Variants in EARS2 observed in about 807,000 individuals in gnomAD.
EARS2 encodes nondiscriminating glutamyl-tRNA synthetase EARS2, mitochondrial.
A neutral mutation model predicts 54.1 loss-of-function variants in EARS2; 50 were observed. The observed-to-expected ratio is 0.92, with a 90% CI of 0.74 to 1.17. The LOEUF is 1.17. EARS2 is among the 50% of genes most tolerant of loss of function. The pLI is 0.00. For synonymous variants in EARS2, 298 were observed against 281.0 expected (o/e 1.06, Z -0.61); for missense variants, 673 against 675.0 (o/e 1.00, Z 0.03).
chr16:23,550,435 CTTT>C (rs34422725), intron 2 of EARS2, among the ~76,000 whole-genome samples: 1 of 100,612 alleles, frequency 9.9e-6, no homozygotes, highest in Non-Finnish European at 1.8e-5. Context: ...AGCACATGGT[CTTT>C]TTTTTTTTTT....
chr16:23,525,406 G>C (rs746075843), intron 7 of EARS2, 27 bp from the exon 8 acceptor site: 10 of 1,597,970 alleles, frequency 6.3e-6, no homozygotes, highest in African/African-American at 1.3e-5. Flanking sequence ...AGTTTACAGG[G>C]CCTGCATGGG....
At chr16:23,533,166 C>T (rs1266078516) in intron 4 of EARS2, among the ~76,000 whole-genome samples, 3 of 152,134 alleles carry the variant, frequency 2.0e-5, no homozygotes, top group African/African-American at 7.2e-5. Flanking sequence ...TGCCTGTAAT[C>T]CCAGCTACTC....
At chr16:23,551,208 T>C (rs1360224777) in intron 2 of EARS2, among the ~76,000 whole-genome samples, 1 of 152,202 alleles carries the variant, frequency 6.6e-6, no homozygotes, top group African/African-American at 2.4e-5. Flanking sequence ...CAACTCTGGA[T>C]GAGGTGTGGT....
chr16:23,553,427 T>C (rs1965728350), intron 1 of EARS2, among the ~76,000 whole-genome samples: 1 of 152,142 alleles, frequency 6.6e-6, no homozygotes, highest in Non-Finnish European at 1.5e-5. Flanking sequence ...GGAAAAAAAT[T>C]AATTACAAAC....
chr16:23,524,231 T>C lies in EARS2; in HGVS notation c.*140A>G, dbSNP rs1018598540. 5.2e-5 allele frequency: 39 copies of C among 749,416 alleles called. 1 individual carries two copies. The highest frequency in any genetic ancestry group is 4.2e-4 in the South Asian group (26 of 61,410). The allele number at this position is 749,416 out of a possible 1,614,324, so 46.4% of individuals were successfully genotyped here. A position where few individuals can be genotyped will look rare whatever the true frequency, so the allele number is the denominator to read the frequency against. On this transcript the variant is annotated 3_prime_UTR_variant, in exon 9 of 9. Coordinates refer to ENST00000449606, the MANE Select transcript of EARS2 (RefSeq NM_001083614.2). ...CTGTGGTGGATCACAAATGCACTTGTGTGCAGTCAGAGATTGTTTCCACTC... is the reference window on the plus strand; with the variant it reads ...CTGTGGTGGATCACAAATGCACTTGCGTGCAGTCAGAGATTGTTTCCACTC...
intron 1 of EARS2, 101 bp downstream of exon 1, chr16:23,557,104 G>A (rs1965807172): frequency 2.8e-6 from 4 of 1,450,520 alleles, no homozygotes; most frequent in East Asian, 2.4e-5. Flanking sequence ...TCCTCCGCCC[G>A]CCCACTCTGA....
At chr16:23,543,475 C>T (rs142088750) in intron 3 of EARS2, among the ~76,000 whole-genome samples, 15 of 151,260 alleles carry the variant, frequency 9.9e-5, no homozygotes, top group Admixed American at 4.6e-4. Context: ...TGGCTGGGCA[C>T]GGTGGTTTAC....
At chr16:23,525,197 T>A (rs773494305) in intron 8 of EARS2, 47 bp downstream of exon 8, 2 of 1,613,914 alleles carry the variant, frequency 1.2e-6, no homozygotes, top group Non-Finnish European at 1.7e-6. Flanking sequence ...GTTCAAAGGA[T>A]CAATGAGGGG....
At chr16:23,540,911 TATCCAGG>T (rs1038860170) in intron 3 of EARS2, among the ~76,000 whole-genome samples, 5 of 152,078 alleles carry the variant, frequency 3.3e-5, no homozygotes, top group Admixed American at 6.5e-5. Flanking sequence ...GAATTGCTTG[TATCCAGG>T]AAGTGGAGGT....
chr16:23,540,993 A>G (rs896717270), intron 3 of EARS2, among the ~76,000 whole-genome samples: 2 of 151,718 alleles, frequency 1.3e-5, no homozygotes, highest in Admixed American at 6.6e-5. Flanking sequence ...TCCGTCTCCA[A>G]AAAATAAATA....
At chr16:23,531,876 T>C (rs1405957784) in intron 5 of EARS2, among the ~76,000 whole-genome samples, 1 of 152,148 alleles carries the variant, frequency 6.6e-6, no homozygotes. Flanking sequence ...AGTGCAGTGG[T>C]GTGATCCTGT....
intron 3 of EARS2, among the ~76,000 whole-genome samples, chr16:23,541,036 C>T (rs1033161365): frequency 2.0e-5 from 3 of 149,642 alleles, no homozygotes; most frequent in African/African-American, 4.9e-5. Context: ...TTATTAAGGC[C>T]GAGTGTCGTA....
rs551140941 is a variant in EARS2 at position 23,522,948 on chromosome 16, A to T, written c.*1423T>A. The T allele has an allele frequency of 3.3e-4, 51 of 152,258 alleles. No individual in the cohort carries two copies. Among genetic ancestry groups the T allele is most frequent in the African/African-American group, 1.1e-3 (46 of 41,566 alleles). The allele number at this position is 152,258 out of a possible 1,614,324, so 9.4% of individuals were successfully genotyped here. ...GCCTCGATCCCTTGTCATGTGGAGC[A>T]CTCCATAAGGCTGCTTGAGTATTTT... On this transcript the variant is annotated 3_prime_UTR_variant, in exon 9 of 9. Transcript: ENST00000449606.
At position 23,544,756 on chromosome 16, in the gene EARS2, G is replaced by A. The variant is rs1457698887; in HGVS notation, c.296-53C>T. ...AGGTGCACACAGCGCTCGTTCTCAG[G>A]CATTGCTCTAAGCACTTTATGCACA... On this transcript the variant is annotated intron_variant, in intron 2 of 8. Transcript: ENST00000449606. The A allele has an allele frequency of 3.4e-6, 5 of 1,469,542 alleles. No individual in the cohort carries two copies. In the East Asian group the frequency reaches 9.6e-5, roughly 28 times the overall value. The allele number at this position is 1,469,542 out of a possible 1,614,324, so 91.0% of individuals were successfully genotyped here.
At chr16:23,555,827 C>G (rs1965768864) in intron 1 of EARS2, among the ~76,000 whole-genome samples, 1 of 152,194 alleles carries the variant, frequency 6.6e-6, no homozygotes, top group Non-Finnish European at 1.5e-5. Context: ...GATTACAGGC[C>G]TGGGCCACAT....
In EARS2 at chr16:23,544,619, G is replaced by T; in HGVS notation, c.380C>A (p.Ala127Asp). 6.2e-7 allele frequency: 1 copy of T among 1,613,284 alleles called. No homozygotes were observed. Reference protein sequence around the residue: ...QSQRLELYAQATEALLKTGAA... With the variant: ...QSQRLELYAQDTEALLKTGAA... Reference sequence around the variant, plus strand: ...TCCGGTCTTCAGCAGCGCTTCTGTGGCCTGGGCATACAGCTCCAACCGCTG... The same window carrying T: ...TCCGGTCTTCAGCAGCGCTTCTGTGTCCTGGGCATACAGCTCCAACCGCTG... The change falls in exon 3 of 9, where the codon GCC (alanine) becomes GAC (aspartate). Residue 127 changes from alanine to aspartate, a missense_variant. This residue lies in a region of EARS2 where 316 missense variants were observed against 275.2 expected (regional missense o/e 1.15). Coordinates refer to ENST00000449606, the MANE Select transcript of EARS2 (RefSeq NM_001083614.2).
chr16:23,536,369 TC>T (rs1352111891), intron 3 of EARS2, among the ~76,000 whole-genome samples: 1 of 151,390 alleles, frequency 6.6e-6, no homozygotes, highest in African/African-American at 2.4e-5. Flanking sequence ...TTTTGGGAGG[TC>T]AAGGTAGAAG....
chr16:23,552,935 G>A (rs754816308), intron 1 of EARS2: 3 of 213,070 alleles, frequency 1.4e-5, no homozygotes, highest in South Asian at 1.4e-4. Flanking sequence ...CTGAGTTTGA[G>A]ATCTGCCTGG....
At chr16:23,525,570 G>A (rs1331705645) in intron 7 of EARS2, among the ~76,000 whole-genome samples, 191 bp from the exon 8 acceptor site, 4 of 152,172 alleles carry the variant, frequency 2.6e-5, no homozygotes, top group African/African-American at 9.7e-5. Context: ...AAACCACCAA[G>A]GGACCACACA....
Sources: allele counts gnomAD v4.1 joint callset (sites outside exome capture counted in the v4.1 genomes callset), GRCh38; gene constraint gnomAD v4.1.1; regional missense constraint gnomAD v4.1.1; transcripts MANE v1.5; gene names NCBI Gene and HGNC (gene_info 2026-07-23, HGNC 2026-07-21).